NRG4: variants seen among roughly 807,000 people sequenced by gnomAD.
NRG4 encodes pro-neuregulin-4, membrane-bound isoform.
A neutral mutation model predicts 15.0 loss-of-function variants in NRG4; 10 were observed. The ratio of observed to expected loss-of-function variants is 0.67; its 90% CI spans 0.41 to 1.13. NRG4 has a LOEUF of 1.13. Ranked by LOEUF, NRG4 falls within the 50% of genes most tolerant of loss-of-function variation. The pLI is 0.00. For missense variants in NRG4, 139 were observed against 140.2 expected (o/e 0.99, Z 0.04); for synonymous variants, 41 against 50.1 (o/e 0.82, Z 0.77).
chr15:76,004,871 C>T (rs925179550), intron 3 of NRG4, among the ~76,000 whole-genome samples: 14 of 151,982 alleles, frequency 9.2e-5, no homozygotes, highest in African/African-American at 3.1e-4. Flanking sequence ...GACCCTTGAA[C>T]GATATAGGGG....
intron 2 of NRG4, among the ~76,000 whole-genome samples, chr15:76,055,017 T>C (rs897041012): frequency 7.5e-6 from 1 of 133,172 alleles, no homozygotes; most frequent in Non-Finnish European, 1.7e-5. Flanking sequence ...CAGTGGCTCA[T>C]GCCTATAATC....
intron 2 of NRG4, among the ~76,000 whole-genome samples, chr15:76,055,824 TAAA>T (rs2036138299): frequency 6.6e-6 from 1 of 152,164 alleles, no homozygotes; most frequent in Non-Finnish European, 1.5e-5. Flanking sequence ...TTACTGGAAA[TAAA>T]AAACAGACTT....
At chr15:76,002,363 G>A (rs556728571) in intron 3 of NRG4, among the ~76,000 whole-genome samples, 1 of 152,174 alleles carries the variant, frequency 6.6e-6, no homozygotes, top group South Asian at 2.1e-4. Context: ...AGAAAATAAA[G>A]TGGGAACTTA....
chr15:76,032,240 C>T (rs2035491194), intron 5 of NRG4, among the ~76,000 whole-genome samples: 1 of 152,096 alleles, frequency 6.6e-6, no homozygotes, highest in Admixed American at 6.6e-5. Flanking sequence ...ACCTTAGATG[C>T]TGACTTTGCA....
intron 3 of NRG4, among the ~76,000 whole-genome samples, chr15:75,967,533 C>G (rs936157094): frequency 1.4e-5 from 2 of 138,964 alleles, no homozygotes; most frequent in African/African-American, 5.3e-5. Flanking sequence ...GTGATCTCAG[C>G]TCACTGCAAC....
At chr15:76,036,903 A>G (rs1023073572) in intron 4 of NRG4, among the ~76,000 whole-genome samples, 2 of 152,188 alleles carry the variant, frequency 1.3e-5, no homozygotes, top group African/African-American at 4.8e-5. Context: ...TAGACAGGAA[A>G]AAGAAATAAA....
chr15:75,978,581 T>C (rs8023448), intron 3 of NRG4, among the ~76,000 whole-genome samples: 6,039 of 152,274 alleles, frequency 0.04, 217 homozygotes, highest in African/African-American at 0.095. Context: ...TGCTGGATCA[T>C]ATGGTGGATC....
rs189038680 is a variant in NRG4 at position 76,042,534 on chromosome 15, A to T, written c.-104-6543T>A. Among the ~76,000 whole-genome samples, 288 of 151,410 alleles carry T rather than the reference A, an allele frequency of 1.9e-3. 1 individual carries two copies. Among genetic ancestry groups the T allele is most frequent in the African/African-American group, 6.9e-3 (286 of 41,288 alleles). On this transcript the variant is annotated intron_variant, in intron 4 of 8. Coordinates refer to the NRG4 transcript ENST00000563910. ...ATTAGAGGCTACTGTGAGCAACTAC[A>T]TGCCAATAAATTGAAAAGCCAAGAA...
At chr15:76,035,258 T>C (rs757099332) in intron 5 of NRG4, among the ~76,000 whole-genome samples, 2 of 152,206 alleles carry the variant, frequency 1.3e-5, no homozygotes, top group Non-Finnish European at 2.9e-5. Flanking sequence ...TGATTCCATT[T>C]AAGGCACAAA....
chr15:75,961,802 C>T, intron 4 of NRG4, 26 bp downstream of exon 4: 2 of 1,570,376 alleles, frequency 1.3e-6, no homozygotes, highest in Non-Finnish European at 8.7e-7. Context: ...TTACTTTTCT[C>T]AAAAGCATGT....
At chr15:76,017,585 A>G (rs889612717) in intron 5 of NRG4, among the ~76,000 whole-genome samples, 2 of 152,092 alleles carry the variant, frequency 1.3e-5, no homozygotes, top group African/African-American at 4.8e-5. Flanking sequence ...TTTCTCCTTC[A>G]CTAATGAAGC....
intron 5 of NRG4, among the ~76,000 whole-genome samples, chr15:76,029,642 A>G (rs1466741948): frequency 6.6e-6 from 1 of 152,244 alleles, no homozygotes; most frequent in African/African-American, 2.4e-5. Flanking sequence ...ATGATTAACT[A>G]AACTGAAAAA....
At chr15:76,035,062 A>G (rs1481023943) in intron 5 of NRG4, among the ~76,000 whole-genome samples, 1 of 152,238 alleles carries the variant, frequency 6.6e-6, no homozygotes, top group Non-Finnish European at 1.5e-5. Flanking sequence ...TAACAAGGGT[A>G]ATAACTTTCC....
intron 5 of NRG4, among the ~76,000 whole-genome samples, chr15:75,952,282 C>A (rs1277576188): frequency 1.3e-5 from 2 of 152,164 alleles, no homozygotes; most frequent in African/African-American, 2.4e-5. Flanking sequence ...AATCTACTGT[C>A]TGTCTCTATA....
At position 76,032,311 on chromosome 15, in the gene NRG4, C is replaced by G. The variant is rs527899064; in HGVS notation, c.-57+3633G>C. Among the ~76,000 whole-genome samples the G allele has an allele frequency of 4.6e-5, 7 of 152,086 alleles. No individual in the cohort carries two copies. The East Asian group carries it at 1.2e-3, about 25-fold the overall frequency. On this transcript the variant is annotated intron_variant, in intron 5 of 8. Coordinates refer to the NRG4 transcript ENST00000563910. ...CTCAGGGTACATCAGAAAAGAATGG[C>G]AAAATATTGTGTACAAAGCCACCAA...
chr15:76,021,482 T>C (rs2035152888), intron 5 of NRG4, among the ~76,000 whole-genome samples: 1 of 152,268 alleles, frequency 6.6e-6, no homozygotes, highest in South Asian at 2.1e-4. Context: ...ATTTGCTTTA[T>C]TGCAGCAGTC....
intron 5 of NRG4, among the ~76,000 whole-genome samples, chr15:75,946,416 G>C (rs2031510426): frequency 6.6e-6 from 1 of 152,158 alleles, no homozygotes; most frequent in Non-Finnish European, 1.5e-5. Flanking sequence ...GGAGTGCAGT[G>C]GCACGATCTC....
intron 3 of NRG4, among the ~76,000 whole-genome samples, chr15:75,963,561 C>T (rs549347742): frequency 4.5e-4 from 69 of 152,112 alleles, no homozygotes; most frequent in African/African-American, 1.6e-3. Context: ...GGGCAGATCA[C>T]GAGGTCAAGA....
At chr15:75,968,652 G>T (rs1434082114) in intron 3 of NRG4, among the ~76,000 whole-genome samples, 1 of 150,766 alleles carries the variant, frequency 6.6e-6, no homozygotes, top group African/African-American at 2.4e-5. Flanking sequence ...CGTAATCTCA[G>T]TTACTTGGGA....
Sources: gnomAD v4.1 joint callset for allele counts (sites outside exome capture counted in the v4.1 genomes callset) on GRCh38, gnomAD v4.1.1 for gene constraint, MANE v1.5 for transcripts, NCBI Gene and HGNC (gene_info 2026-07-23, HGNC 2026-07-21) for gene names.